The following ZNF438 variants were observed in gnomAD, a reference collection of about 807,000 sequenced individuals.
The protein encoded by ZNF438 is zinc finger protein 438.
A neutral mutation model predicts 38.0 loss-of-function variants in ZNF438; 25 were observed. That is an observed-to-expected ratio of 0.66 (90% confidence interval 0.48 to 0.92). ZNF438 has a LOEUF of 0.92. ZNF438 is among the 40% of genes least tolerant of loss of function. The pLI is 0.00. For missense variants in ZNF438, 1,007 were observed against 999.6 expected (o/e 1.01, Z -0.10); for synonymous variants, 372 against 364.1 (o/e 1.02, Z -0.25).
exon 5 of ZNF438, chr10:30,849,155 T>C: frequency 6.2e-7 from 1 of 1,613,774 alleles, no homozygotes; most frequent in Non-Finnish European, 8.5e-7. Flanking sequence ...TTGGGGATCA[T>C]TTTTTACTCT....
chr10:30,948,585 G>A (rs2047743855), intron 1 of ZNF438, among the ~76,000 whole-genome samples: 1 of 150,264 alleles, frequency 6.7e-6, no homozygotes, highest in Admixed American at 6.6e-5. Context: ...ACCAAGGCTC[G>A]AGAACTACGT....
At chr10:30,903,134 T>G (rs2042223264) in intron 3 of ZNF438, among the ~76,000 whole-genome samples, 1 of 152,156 alleles carries the variant, frequency 6.6e-6, no homozygotes, top group South Asian at 2.1e-4. Context: ...GAACTCTAGC[T>G]GGCCCACAAG....
At chr10:30,926,453 G>C (rs1186739354) in intron 2 of ZNF438, among the ~76,000 whole-genome samples, 4 of 152,134 alleles carry the variant, frequency 2.6e-5, no homozygotes, top group Admixed American at 1.3e-4. Flanking sequence ...GGATCACAAA[G>C]TCAGGAGTTC....
chr10:30,850,201 G>C, exon 5 of ZNF438: 1 of 1,614,168 alleles, frequency 6.2e-7, no homozygotes, highest in Non-Finnish European at 8.5e-7. Context: ...GCTTGGAGTT[G>C]ATGGAGGGTC....
chr10:30,967,682 A>G (rs1308079100), intron 1 of ZNF438, among the ~76,000 whole-genome samples: 1 of 152,200 alleles, frequency 6.6e-6, no homozygotes, highest in Admixed American at 6.5e-5. Flanking sequence ...TTCTTCTGGG[A>G]CTGCAAAGGA....
At chr10:30,858,117 C>T (rs1279648866) in intron 4 of ZNF438, among the ~76,000 whole-genome samples, 5 of 152,244 alleles carry the variant, frequency 3.3e-5, no homozygotes, top group African/African-American at 9.6e-5. Flanking sequence ...GAAAGAGAGG[C>T]GTGTCCCTGC....
At chr10:30,957,886 T>C (rs531000356) in intron 1 of ZNF438, among the ~76,000 whole-genome samples, 1 of 118,052 alleles carries the variant, frequency 8.5e-6, no homozygotes, top group South Asian at 2.6e-4. Context: ...TGACTCATTA[T>C]TGCTGTACTC....
chr10:31,031,909 C>A (rs1397246790), exon 1 of ZNF438: 1 of 152,498 alleles, frequency 6.6e-6, no homozygotes, highest in Non-Finnish European at 1.5e-5. Flanking sequence ...CCACGGGGCG[C>A]GGGCCGCTGG....
chr10:30,974,464 T>C (rs1325307427), intron 1 of ZNF438, among the ~76,000 whole-genome samples: 1 of 152,082 alleles, frequency 6.6e-6, no homozygotes, highest in African/African-American at 2.4e-5. Context: ...TGGAGTAAAA[T>C]CGTTTCAAGA....
At position 30,873,363 on chromosome 10, in the gene ZNF438, T is replaced by C. The variant is rs114907894; in HGVS notation, c.37+3635A>G. Among the ~76,000 whole-genome samples, 1,253 of 152,318 alleles carry C rather than the reference T, an allele frequency of 8.2e-3. 13 individuals are homozygous for C. Among genetic ancestry groups the C allele is most frequent in the African/African-American group, 0.028 (1,154 of 41,570 alleles). On this transcript the variant is annotated intron_variant, in intron 4 of 5. Coordinates refer to ENST00000413025, the Ensembl canonical transcript of ZNF438. ...ACTTATCGTTAGAGTGACAGTACAA[T>C]GTTAAATCTCTTTATCTGAAATTAG...
intron 1 of ZNF438, among the ~76,000 whole-genome samples, chr10:31,003,149 T>C (rs1690629): frequency 0.75 from 113,862 of 151,984 alleles, 43,269 homozygotes; most frequent in African/African-American, 0.83. Flanking sequence ...AGTCTTGAGA[T>C]GTGTAGGGCA....
At chr10:30,866,671 A>T (rs1026313181) in intron 4 of ZNF438, among the ~76,000 whole-genome samples, 1 of 152,090 alleles carries the variant, frequency 6.6e-6, no homozygotes, top group South Asian at 2.1e-4. Context: ...CTCCTCTACT[A>T]AAAATACAAA....
chr10:31,015,929 CAGGGG>C (rs2056160004), intron 1 of ZNF438, among the ~76,000 whole-genome samples: 1 of 152,186 alleles, frequency 6.6e-6, no homozygotes, highest in African/African-American at 2.4e-5. Context: ...TCTATCTGAT[CAGGGG>C]TCCATTCTTA....
intron 3 of ZNF438, among the ~76,000 whole-genome samples, chr10:30,906,395 T>A (rs77760321): frequency 6.6e-6 from 1 of 152,224 alleles, no homozygotes. Flanking sequence ...GTAGTGTATA[T>A]AAATACAATT....
Position 30,875,526 on chromosome 10 carries a change from TAATACCAGCTAGGAC to T in ZNF438, c.37+1457_37+1471del, listed in dbSNP as rs966771173. Reference sequence around the variant, plus strand: ...CCTTGCTTGCTTGGATAAAAAAAGGTAATACCAGCTAGGACACTGAATTTCAAACCCTTCATCAGC... The same window carrying T: ...CCTTGCTTGCTTGGATAAAAAAAGGTACTGAATTTCAAACCCTTCATCAGC... On this transcript the variant is annotated intron_variant, in intron 4 of 5. Transcript: ENST00000413025. The T allele has an allele frequency of 1.8e-5, 18 of 985,338 alleles. No individual in the cohort carries two copies. In the African/African-American group the frequency reaches 3.1e-4, roughly 17 times the overall value. 61.0% of individuals were successfully genotyped at this position (985,338 alleles called of 1,614,324 possible). A position where few individuals can be genotyped will look rare whatever the true frequency, so the allele number is the denominator to read the frequency against.
intron 4 of ZNF438, among the ~76,000 whole-genome samples, chr10:30,873,749 T>C (rs951977551): frequency 2.0e-5 from 3 of 152,242 alleles, no homozygotes; most frequent in African/African-American, 4.8e-5. Context: ...TAGCATCTGA[T>C]AGTTCCTCGT....
intron 3 of ZNF438, among the ~76,000 whole-genome samples, chr10:30,891,128 G>A (rs2040629535): frequency 1.3e-5 from 2 of 152,276 alleles, no homozygotes; most frequent in South Asian, 4.1e-4. Context: ...CCAAGTGTTT[G>A]GTGGGGCCTC....
chr10:30,874,876 T>C (rs1046367406), intron 4 of ZNF438, among the ~76,000 whole-genome samples: 4 of 151,778 alleles, frequency 2.6e-5, no homozygotes, highest in Non-Finnish European at 5.9e-5. Context: ...ATGATAGATC[T>C]GAGTTCAAAT....
At chr10:30,897,673 C>T (rs988008366) in intron 3 of ZNF438, among the ~76,000 whole-genome samples, 2 of 152,164 alleles carry the variant, frequency 1.3e-5, no homozygotes, top group Admixed American at 1.3e-4. Flanking sequence ...GAGCTGTAAA[C>T]CCCTAAATTA....
Sources: gnomAD v4.1 joint callset for allele counts (sites outside exome capture counted in the v4.1 genomes callset) on GRCh38, gnomAD v4.1.1 for gene constraint, MANE v1.5 for transcripts, NCBI Gene and HGNC (gene_info 2026-07-23, HGNC 2026-07-21) for gene names.